STIM2: variants seen among roughly 807,000 people sequenced by gnomAD.
STIM2 encodes stromal interaction molecule 2.
In STIM2, 31 loss-of-function variants were observed where a neutral mutation model predicts 85.8. The observed-to-expected ratio is 0.36, with a 90% confidence interval of 0.27 to 0.49. The LOEUF is 0.49. Among genes scored for constraint, STIM2 ranks in the 20% least tolerant of loss-of-function variants. The pLI, the probability that STIM2 is intolerant of heterozygous loss-of-function variation, is 0.98. For missense variants in STIM2, 841 were observed against 927.6 expected (o/e 0.91, Z 1.21); for synonymous variants, 356 against 331.1 (o/e 1.08, Z -0.82).
In STIM2 at chr4:26,937,362, T is replaced by TTCCAG. The variant is rs545425112; in HGVS notation, c.282+17729_282+17733dup. Among the ~76,000 whole-genome samples the TTCCAG allele has an allele frequency of 3.0e-4, 45 of 152,288 alleles. No individual in the cohort carries two copies. The East Asian group carries it at 6.6e-3, about 22-fold the overall frequency. ...GTGTGTCTGCACTTCCCTTTTTCAG[T>TTCCAG]TCCAGCCTGATGGTACTGCCAGTGC... is the stretch of plus-strand genomic sequence containing the variant. On this transcript the variant is annotated intron_variant, in intron 2 of 11. Transcript: ENST00000467087.
chr4:27,014,299 T>A (rs1415249434), intron 10 of STIM2, among the ~76,000 whole-genome samples: 1 of 151,936 alleles, frequency 6.6e-6, no homozygotes, highest in African/African-American at 2.4e-5. Flanking sequence ...TCTCATATTA[T>A]TTTAAGGCTA....
chr4:26,872,773 T>C (rs910785809), intron 1 of STIM2, among the ~76,000 whole-genome samples: 1 of 152,176 alleles, frequency 6.6e-6, no homozygotes, highest in African/African-American at 2.4e-5. Context: ...AGAAATGCTA[T>C]TGAGGAACAA....
chr4:26,873,571 G>A (rs1722707963), intron 1 of STIM2: 1 of 438,366 alleles, frequency 2.3e-6, no homozygotes, highest in African/African-American at 2.0e-5. Flanking sequence ...TCATGGGGAA[G>A]CACAGACATA....
At position 27,002,914 on chromosome 4, in the gene STIM2, A is replaced by T; in HGVS notation, c.804-13A>T. 6.7e-7 allele frequency: 1 copy of T among 1,485,668 alleles called. No homozygotes were observed. The highest frequency in any genetic ancestry group is 2.7e-5 in the Admixed American group (1 of 37,226). The allele number at this position is 1,485,668 out of a possible 1,614,324, so 92.0% of individuals were successfully genotyped here. On this transcript the variant is annotated splice_polypyrimidine_tract_variant and intron_variant, in intron 6 of 11. Coordinates refer to ENST00000467087, the MANE Select transcript of STIM2 (RefSeq NM_020860.4). The stretch of plus-strand genomic sequence containing the variant: ...ATTTTTGTGAGGAATTTTTATTTTT[A>T]TTGTTCTATAAGGCTTGAAAAGGCA...
chr4:26,993,839 A>G (rs1399158272), intron 3 of STIM2, among the ~76,000 whole-genome samples: 1 of 152,160 alleles, frequency 6.6e-6, no homozygotes, highest in African/African-American at 2.4e-5. Flanking sequence ...TTGTTCTGTG[A>G]ACAGTTTGCC....
chr4:26,920,391 T>A lies in STIM2; in HGVS notation c.282+757T>A, dbSNP rs560947711. Among the ~76,000 whole-genome samples, 16 of 152,324 alleles carry A rather than the reference T, an allele frequency of 1.1e-4. No individual in the cohort carries two copies. In the South Asian group the frequency reaches 3.3e-3, roughly 32 times the overall value. Reference sequence around the variant, plus strand: ...TACTGTACCCACTGTCTTTAGTTTTTAAGCATTCCCATTTACCCTACCGGT... The same window carrying A: ...TACTGTACCCACTGTCTTTAGTTTTAAAGCATTCCCATTTACCCTACCGGT... On this transcript the variant is annotated intron_variant, in intron 2 of 11. Transcript: ENST00000467087.
chr4:26,887,634 T>A (rs1387655967), intron 1 of STIM2, among the ~76,000 whole-genome samples: 1 of 152,172 alleles, frequency 6.6e-6, no homozygotes, highest in Non-Finnish European at 1.5e-5. Context: ...TTTTTTCTCT[T>A]AATGTTTTAA....
intron 2 of STIM2, among the ~76,000 whole-genome samples, chr4:26,953,675 A>G (rs1272551479): frequency 6.6e-6 from 1 of 152,140 alleles, no homozygotes; most frequent in East Asian, 1.9e-4. Context: ...AAAGTCACCA[A>G]GAATGGAGGC....
intron 3 of STIM2, among the ~76,000 whole-genome samples, chr4:26,963,283 T>G (rs1392508385): frequency 6.6e-6 from 1 of 152,120 alleles, no homozygotes; most frequent in Non-Finnish European, 1.5e-5. Context: ...AACCTTTATA[T>G]CCATAAGATT....
rs771803418 is a variant in STIM2 at position 26,995,494 on chromosome 4, A to T, written c.509+4A>T. 2 of 1,559,638 alleles carry T rather than the reference A, an allele frequency of 1.3e-6. No individual in the cohort carries two copies. The highest frequency in any genetic ancestry group is 3.4e-4 in the Middle Eastern group (2 of 5,894). ...TCAAAGGAACGACACTTCCCAGGTG[A>T]GTCTTTGTTATGCAAATGTATTTTC... On this transcript the variant is annotated splice_donor_region_variant and intron_variant, in intron 4 of 11. Coordinates refer to ENST00000467087, the MANE Select transcript of STIM2 (RefSeq NM_020860.4).
chr4:27,009,726 G>A (rs1213752090), intron 10 of STIM2, among the ~76,000 whole-genome samples: 2 of 152,218 alleles, frequency 1.3e-5, no homozygotes, highest in African/African-American at 4.8e-5. Flanking sequence ...CACACTGCAA[G>A]GTCATGACGG....
At chr4:26,880,292 ATATT>A (rs1413507193) in intron 1 of STIM2, among the ~76,000 whole-genome samples, 1 of 152,016 alleles carries the variant, frequency 6.6e-6, no homozygotes, top group African/African-American at 2.4e-5. Context: ...TGGATGCAGT[ATATT>A]TTTGGTTTTG....
intron 1 of STIM2, among the ~76,000 whole-genome samples, chr4:26,869,549 G>A (rs1247324396): frequency 6.6e-6 from 1 of 151,932 alleles, no homozygotes; most frequent in Non-Finnish European, 1.5e-5. Context: ...TATTTTTAGA[G>A]ATGTGGTCTC....
chr4:26,960,791 G>A (rs1252157200), intron 3 of STIM2, among the ~76,000 whole-genome samples: 1 of 152,096 alleles, frequency 6.6e-6, no homozygotes, highest in Non-Finnish European at 1.5e-5. Flanking sequence ...CAGGCCAGGC[G>A]CAGTGGCTCA....
In STIM2 at chr4:27,014,486, G is replaced by C. The variant is rs560378570; in HGVS notation, c.1490-3225G>C. Among the ~76,000 whole-genome samples, 4 of 146,864 alleles carry C rather than the reference G, an allele frequency of 2.7e-5. No individual in the cohort carries two copies. In the East Asian group the frequency reaches 7.9e-4, roughly 29 times the overall value. On this transcript the variant is annotated intron_variant, in intron 10 of 11. Transcript: ENST00000467087. ...AATATGTATGTATGTTTTTTTTTTT[G>C]TTGTCTGTTGGGTTTTAAAAACATC...
At chr4:26,959,942 C>T (rs1227694155) in intron 3 of STIM2, among the ~76,000 whole-genome samples, 1 of 152,098 alleles carries the variant, frequency 6.6e-6, no homozygotes, top group African/African-American at 2.4e-5. Context: ...CCTAGTAATG[C>T]AGCTGTATGG....
chr4:26,977,445 A>G (rs1727241254), intron 3 of STIM2, among the ~76,000 whole-genome samples: 1 of 152,196 alleles, frequency 6.6e-6, no homozygotes, highest in Non-Finnish European at 1.5e-5. Flanking sequence ...CAAAATGATT[A>G]TTGTAATTAC....
intron 3 of STIM2, among the ~76,000 whole-genome samples, chr4:26,972,159 C>G (rs1303056037): frequency 6.6e-6 from 1 of 152,174 alleles, no homozygotes; most frequent in Admixed American, 6.5e-5. Flanking sequence ...ATGGGATTTT[C>G]TAAATATACA....
chr4:26,982,218 A>G (rs1180969589), intron 3 of STIM2, among the ~76,000 whole-genome samples: 1 of 151,606 alleles, frequency 6.6e-6, no homozygotes, highest in African/African-American at 2.4e-5. Flanking sequence ...TAACAAAGAC[A>G]TATTTTGAAA....
Sources: allele counts gnomAD v4.1 joint callset (sites outside exome capture counted in the v4.1 genomes callset), GRCh38; gene constraint gnomAD v4.1.1; transcripts MANE v1.5; gene names NCBI Gene and HGNC (gene_info 2026-07-23, HGNC 2026-07-21).